Variants in GAS2 observed in about 807,000 individuals in gnomAD.
GAS2 encodes growth arrest specific 2.
In GAS2, 20 loss-of-function variants were observed where a neutral mutation model predicts 37.5. That is an observed-to-expected ratio of 0.53 (90% CI 0.37 to 0.77). The LOEUF is 0.77. Among genes scored for constraint, GAS2 ranks in the 30% least tolerant of loss-of-function variants. GAS2 has a pLI of 0.00. For synonymous variants in GAS2, 144 were observed against 132.2 expected (o/e 1.09, Z -0.61); for missense variants, 336 against 373.4 (o/e 0.90, Z 0.82).
chr11:22,694,360 C>G (rs1277356994), intron 3 of GAS2, among the ~76,000 whole-genome samples: 1 of 152,094 alleles, frequency 6.6e-6, no homozygotes, highest in Non-Finnish European at 1.5e-5. Flanking sequence ...TCCTGCCACC[C>G]GGAGAATTTC....
intron 1 of GAS2, among the ~76,000 whole-genome samples, chr11:22,631,883 A>G (rs966383830): frequency 6.0e-5 from 9 of 149,862 alleles, no homozygotes; most frequent in African/African-American, 7.3e-5. Flanking sequence ...TAGTTTCAGT[A>G]GGATTGTTAC....
chr11:22,650,845 A>G (rs1474643917), intron 1 of GAS2, among the ~76,000 whole-genome samples: 2 of 151,796 alleles, frequency 1.3e-5, no homozygotes, highest in African/African-American at 4.8e-5. Flanking sequence ...TGAATACAGC[A>G]CACTGATGGA....
chr11:22,672,661 C>A (rs571461271), intron 1 of GAS2: 1 of 152,236 alleles, frequency 6.6e-6, no homozygotes, highest in Non-Finnish European at 1.5e-5. Flanking sequence ...AGAAGACAGG[C>A]ATTTTAGAGG....
intron 7 of GAS2, among the ~76,000 whole-genome samples, chr11:22,762,072 G>A (rs916625078): frequency 6.6e-6 from 1 of 152,112 alleles, no homozygotes; most frequent in African/African-American, 2.4e-5. Context: ...AACATAGTTT[G>A]AGAAAGACAT....
Position 22,760,000 on chromosome 11 carries a change from G to T in GAS2, c.723+4047G>T, listed in dbSNP as rs117116444. On this transcript the variant is annotated intron_variant, in intron 7 of 7. Coordinates refer to ENST00000454584, the MANE Select transcript of GAS2 (RefSeq NM_001143830.3). ...AATTTGATGGCTATGTTCTACCTAA[G>T]TACTCCAAGTTGGAGTGCAGTGCTG... is the stretch of plus-strand genomic sequence containing the variant. Among the ~76,000 whole-genome samples, 1,002 of 152,220 alleles carry T rather than the reference G, an allele frequency of 6.6e-3. 5 individuals are homozygous for T. Among genetic ancestry groups the T allele is most frequent in the Non-Finnish European group, 0.012 (804 of 67,996 alleles).
At chr11:22,787,288 T>A (rs1236937440) in intron 7 of GAS2, among the ~76,000 whole-genome samples, 1 of 152,126 alleles carries the variant, frequency 6.6e-6, no homozygotes, top group Non-Finnish European at 1.5e-5. Flanking sequence ...GCAATTAAAC[T>A]GCAAAGGGAG....
At chr11:22,683,669 T>C (rs1185778434) in intron 2 of GAS2, among the ~76,000 whole-genome samples, 2 of 151,888 alleles carry the variant, frequency 1.3e-5, no homozygotes, top group Non-Finnish European at 2.9e-5. Flanking sequence ...TAATTTCTTT[T>C]TTTTTTTTTG....
chr11:22,648,821 G>C (rs1848735526), intron 1 of GAS2, among the ~76,000 whole-genome samples: 1 of 151,252 alleles, frequency 6.6e-6, no homozygotes, highest in Admixed American at 6.6e-5. Flanking sequence ...AAGGAGCTGA[G>C]ATAATGGGGT....
At chr11:22,690,411 T>G (rs1392730850) in intron 3 of GAS2, among the ~76,000 whole-genome samples, 4 of 152,140 alleles carry the variant, frequency 2.6e-5, no homozygotes, top group Non-Finnish European at 5.9e-5. Flanking sequence ...TCTTTACGTG[T>G]GTGAGCTCTA....
intron 3 of GAS2, among the ~76,000 whole-genome samples, chr11:22,706,983 C>T (rs1447478083): frequency 6.6e-6 from 1 of 152,132 alleles, no homozygotes; most frequent in African/African-American, 2.4e-5. Context: ...TCTCCACATT[C>T]TCTCCAGCAC....
chr11:22,797,844 G>C (rs374775096), intron 7 of GAS2, among the ~76,000 whole-genome samples: 3 of 152,164 alleles, frequency 2.0e-5, no homozygotes, highest in South Asian at 4.2e-4. Context: ...AGCATGTAAA[G>C]CACCTTCTTT....
chr11:22,740,636 G>GT (rs1853025216), intron 5 of GAS2, among the ~76,000 whole-genome samples: 1 of 152,104 alleles, frequency 6.6e-6, no homozygotes, highest in Admixed American at 6.5e-5. Flanking sequence ...ATTCAAACGT[G>GT]TTTTACAAAT....
Position 22,685,603 on chromosome 11 carries a change from T to C in GAS2, c.146-65T>C, listed in dbSNP as rs1215807673. The C allele has an allele frequency of 3.9e-6, 6 of 1,531,492 alleles. No individual in the cohort carries two copies. In the African/African-American group the frequency reaches 5.5e-5, roughly 14 times the overall value. The allele number at this position is 1,531,492 out of a possible 1,614,324, so 94.9% of individuals were successfully genotyped here. Reference sequence around the variant, plus strand: ...ATTTTAGTGATAAAACTGTGTCAAATATTTTATTTAGTGTGAATCTGACAT... The same window carrying C: ...ATTTTAGTGATAAAACTGTGTCAAACATTTTATTTAGTGTGAATCTGACAT... On this transcript the variant is annotated intron_variant, in intron 2 of 7. Transcript: ENST00000454584.
chr11:22,805,374 T>G (rs1351420825), intron 7 of GAS2, among the ~76,000 whole-genome samples: 1 of 152,136 alleles, frequency 6.6e-6, no homozygotes, highest in Non-Finnish European at 1.5e-5. Flanking sequence ...TGGCAAGAAC[T>G]CTTAACATCC....
At chr11:22,726,861 A>C (rs1302659818) in intron 4 of GAS2, among the ~76,000 whole-genome samples, 1 of 152,088 alleles carries the variant, frequency 6.6e-6, no homozygotes. Flanking sequence ...AACACTATTG[A>C]CCATAAGCTC....
intron 1 of GAS2, among the ~76,000 whole-genome samples, chr11:22,637,657 TA>T (rs1858853812): frequency 7.3e-6 from 1 of 137,422 alleles, no homozygotes; most frequent in Admixed American, 7.7e-5. Flanking sequence ...ATTATTGATA[TA>T]ATATAAAATA....
intron 1 of GAS2, among the ~76,000 whole-genome samples, chr11:22,638,269 C>T (rs979580157): frequency 6.6e-6 from 1 of 151,990 alleles, no homozygotes; most frequent in Admixed American, 6.6e-5. Context: ...AAATCTTGTC[C>T]AATGGAATAT....
intron 5 of GAS2, among the ~76,000 whole-genome samples, chr11:22,745,107 T>A: frequency 8.1e-6 from 1 of 123,704 alleles, no homozygotes; most frequent in African/African-American, 2.9e-5. Flanking sequence ...ATTCTAAAAT[T>A]CATTTGGAAC....
At chr11:22,765,245 C>T (rs1407203254) in intron 7 of GAS2, among the ~76,000 whole-genome samples, 1 of 151,976 alleles carries the variant, frequency 6.6e-6, no homozygotes, top group Non-Finnish European at 1.5e-5. Context: ...CACCTCCATA[C>T]ACGTACAAAA....
Sources: gnomAD v4.1 joint callset for allele counts (sites outside exome capture counted in the v4.1 genomes callset) on GRCh38, gnomAD v4.1.1 for gene constraint, MANE v1.5 for transcripts, NCBI Gene and HGNC (gene_info 2026-07-23, HGNC 2026-07-21) for gene names.